PIK3IP1: variants seen among roughly 807,000 people sequenced by gnomAD.
The protein encoded by PIK3IP1 is phosphoinositide-3-kinase-interacting protein 1.
A neutral mutation model predicts 30.7 loss-of-function variants in PIK3IP1; 28 were observed. The ratio of observed to expected loss-of-function variants is 0.91; its 90% CI spans 0.68 to 1.25. The LOEUF (loss-of-function observed/expected upper bound fraction) is 1.25. Ranked by LOEUF, PIK3IP1 falls within the 50% of genes most tolerant of loss-of-function variation. The pLI is 0.00. For synonymous variants in PIK3IP1, 159 were observed against 140.8 expected (o/e 1.13, Z -0.91); for missense variants, 333 against 346.2 (o/e 0.96, Z 0.30).
At chr22:31,283,682 C>T (rs113491936) in intron 5 of PIK3IP1, among the ~76,000 whole-genome samples, 1 of 151,912 alleles carries the variant, frequency 6.6e-6, no homozygotes, top group Non-Finnish European at 1.5e-5. Flanking sequence ...CCTCCCACCC[C>T]CCAAAGTACT....
At chr22:31,289,471 C>T (rs945108357) in intron 4 of PIK3IP1, 28 bp downstream of exon 4, 2 of 1,547,316 alleles carry the variant, frequency 1.3e-6, no homozygotes, top group Admixed American at 4.0e-5. Context: ...TGAATCCCAA[C>T]GAGGGCAGGG....
At chr22:31,289,766 G>C (rs1252635786) in intron 3 of PIK3IP1, 67 bp from the exon 4 acceptor site, 1 of 1,513,428 alleles carries the variant, frequency 6.6e-7, no homozygotes, top group Admixed American at 2.0e-5. Flanking sequence ...GCTGAACCTG[G>C]CCTGAGTGTT....
chr22:31,288,720 G>C (rs1489313621), intron 5 of PIK3IP1, among the ~76,000 whole-genome samples: 2 of 152,234 alleles, frequency 1.3e-5, no homozygotes, highest in African/African-American at 2.4e-5. Context: ...AGTTTCACAA[G>C]TAGCCTCTTT....
intron 5 of PIK3IP1, among the ~76,000 whole-genome samples, chr22:31,287,337 T>G (rs2049139747): frequency 7.1e-6 from 1 of 139,934 alleles, no homozygotes; most frequent in East Asian, 2.1e-4. Flanking sequence ...ACATTTTTTT[T>G]TTTTTTTTTT....
intron 3 of PIK3IP1, 97 bp downstream of exon 3, chr22:31,290,868 G>C (rs2049170534): frequency 1.4e-6 from 2 of 1,421,260 alleles, no homozygotes; most frequent in Admixed American, 3.1e-5. Context: ...GCGGAGCGGG[G>C]CCGGCCGGCA....
chr22:31,291,030 C>T lies in PIK3IP1; in HGVS notation c.242G>A (p.Trp81Ter). 1 of 1,584,682 alleles carries T rather than the reference C, an allele frequency of 6.3e-7. No individual in the cohort carries two copies. Among genetic ancestry groups the T allele is most frequent in the Non-Finnish European group, 8.6e-7 (1 of 1,164,502 alleles). ...GCCGGCCTCGCCACTGACGTAGCAC[C>T]AGGGCCCGCGCGGGTCCTCGTCCGG... The part of the protein sequence containing the change: ...RNPDEDPRGP[W>*]CYVSGEAGVP... Residue 81 changes from tryptophan to a stop codon, truncating the protein, a stop_gained, in exon 3 of 6, where the codon TGG becomes TAG. Transcript: ENST00000215912. LOFTEE classifies it high-confidence loss of function.
intron 5 of PIK3IP1, among the ~76,000 whole-genome samples, chr22:31,286,864 C>G (rs1278186513): frequency 1.3e-5 from 2 of 152,188 alleles, no homozygotes; most frequent in Non-Finnish European, 2.9e-5. Context: ...AATGAACAAG[C>G]AGGTGTCCCT....
rs1164763989 is a variant in PIK3IP1 at position 31,282,493 on chromosome 22, A to G, written c.*591T>C. On this transcript the variant is annotated 3_prime_UTR_variant, in exon 6 of 6. Coordinates refer to ENST00000215912, the MANE Select transcript of PIK3IP1 (RefSeq NM_052880.5). The stretch of plus-strand genomic sequence containing the variant: ...AGGCCTGGCCCACGGTTGTCAAGGC[A>G]CATCATTGCCAGCAAGCTGAAGCAT... The G allele has an allele frequency of 6.6e-6, 1 of 152,334 alleles. No homozygotes were observed. The highest frequency in any genetic ancestry group is 2.4e-5 in the African/African-American group (1 of 41,294). 9.4% of individuals were successfully genotyped at this position (152,334 alleles called of 1,614,324 possible).
rs1166259064 is a variant in PIK3IP1, at chr22:31,291,259, G to C, written c.108C>G (p.Asp36Glu). The change falls in exon 2 of 6, where the codon GAC (aspartate) becomes GAG (glutamate). Residue 36 changes from aspartate to glutamate, a missense_variant. This residue lies in a region of PIK3IP1 where 111 missense variants were observed against 100.1 expected (regional missense o/e 1.11). Transcript: ENST00000215912. Reference sequence around the variant, plus strand: ...GGAGGCCCGGCGCGGGGGAGGTCTGGTCCTCCCGGTACAGGTGGCCGTTGT... The same window carrying C: ...GGAGGCCCGGCGCGGGGGAGGTCTGCTCCTCCCGGTACAGGTGGCCGTTGT... ...FWDNGHLYREDQTSPAPGLRC... is the reference protein window; with the variant it reads ...FWDNGHLYREEQTSPAPGLRC... 1.3e-6 allele frequency: 2 copies of C among 1,554,564 alleles called. No individual in the cohort carries two copies. Among genetic ancestry groups the C allele is most frequent in the South Asian group, 2.4e-5 (2 of 84,334 alleles).
At chr22:31,291,780 C>A (rs532187821) in intron 1 of PIK3IP1, among the ~76,000 whole-genome samples, 2 of 124,950 alleles carry the variant, frequency 1.6e-5, no homozygotes, top group African/African-American at 6.9e-5. Flanking sequence ...TTCACGGATA[C>A]GGCCACCTTC....
rs894393195 is a variant in PIK3IP1, at chr22:31,282,199, C to G, written c.*885G>C. ...AGCAAGCCCTGAAGTGCTTTATTAC[C>G]TTGCCTCTGAGCTTAGTTTCCAGGT... On this transcript the variant is annotated 3_prime_UTR_variant, in exon 6 of 6. Transcript: ENST00000215912. 6.6e-6 allele frequency: 1 copy of G among 152,250 alleles called. No homozygotes were observed. The highest frequency in any genetic ancestry group is 1.9e-4 in the East Asian group (1 of 5,198). The allele number at this position is 152,250 out of a possible 1,614,324, so 9.4% of individuals were successfully genotyped here.
chr22:31,287,477 C>T (rs1339143898), intron 5 of PIK3IP1, among the ~76,000 whole-genome samples: 1 of 151,582 alleles, frequency 6.6e-6, no homozygotes, highest in Non-Finnish European at 1.5e-5. Context: ...ATTACAAGTG[C>T]CCGCCACCAC....
At chr22:31,287,743 AT>A (rs2049142988) in intron 5 of PIK3IP1, among the ~76,000 whole-genome samples, 1 of 152,148 alleles carries the variant, frequency 6.6e-6, no homozygotes, top group Admixed American at 6.5e-5. Flanking sequence ...GGAGTAGGAA[AT>A]TGAAGCAATT....
In PIK3IP1 at chr22:31,289,690, G is replaced by T; in HGVS notation, c.317C>A (p.Ser106Tyr). 1 of 1,552,336 alleles carries T rather than the reference G, an allele frequency of 6.4e-7. No homozygotes were observed. Among genetic ancestry groups the T allele is most frequent in the East Asian group, 2.4e-5 (1 of 41,090 alleles). The change falls in exon 4 of 6, where the codon TCC (serine) becomes TAC (tyrosine). Residue 106 changes from serine (S) to tyrosine (Y), a missense_variant. By Grantham distance (144) the Ser-to-Tyr change is moderately radical. Around this residue, in one of 3 missense-constraint regions of PIK3IP1, gnomAD observed 217 missense variants for 227.7 expected, o/e 0.95. Transcript: ENST00000215912. ...TGTCGTGAAGGCTGGCAGGGCCTGG[G>T]AGGTGGTCTCTGGAGATGAGGTGGG... The part of the protein sequence containing the change: ...CEDLRCPETT[S>Y]QALPAFTTEI...
At chr22:31,288,958 C>A in intron 5 of PIK3IP1, 1 of 453,118 alleles carries the variant, frequency 2.2e-6, no homozygotes, top group Non-Finnish European at 3.9e-6. Flanking sequence ...CAGTGCCACT[C>A]ACTTCAATGC....
At chr22:31,288,886 T>C (rs970661971) in intron 5 of PIK3IP1, among the ~76,000 whole-genome samples, 10 of 152,230 alleles carry the variant, frequency 6.6e-5, no homozygotes, top group Non-Finnish European at 1.3e-4. Flanking sequence ...AGCAGAATTT[T>C]ATAACTCACA....
Position 31,290,994 on chromosome 22 carries a change from T to A in PIK3IP1, c.278A>T (p.Lys93Ile). 6.2e-7 allele frequency: 1 copy of A among 1,604,740 alleles called. No homozygotes were observed. The highest frequency in any genetic ancestry group is 8.5e-7 in the Non-Finnish European group (1 of 1,176,346). ...ACAGCGCAGGTCCTCGCAAGGCCGT[T>A]TCTCAGGGACGCCGGCCTCGCCACT... ...YVSGEAGVPE[K>I]RPCEDLRCPE... is the part of the protein sequence containing the mutation. The change falls in exon 3 of 6, where the codon AAA (lysine) becomes ATA (isoleucine). Residue 93 changes from lysine to isoleucine, a missense_variant. This residue lies in a region of PIK3IP1 where 217 missense variants were observed against 227.7 expected (regional missense o/e 0.95). Coordinates refer to ENST00000215912, the MANE Select transcript of PIK3IP1 (RefSeq NM_052880.5).
intron 5 of PIK3IP1, among the ~76,000 whole-genome samples, chr22:31,285,537 C>T (rs2049124656): frequency 6.6e-6 from 1 of 152,170 alleles, no homozygotes; most frequent in African/African-American, 2.4e-5. Flanking sequence ...ATCACCATAT[C>T]TAACCCCCTT....
At chr22:31,290,747 AGTT>A (rs1157282620) in intron 3 of PIK3IP1, 2 of 601,904 alleles carry the variant, frequency 3.3e-6, no homozygotes. Flanking sequence ...CGCCCCGCGC[AGTT>A]GTTTACAAGC....
Sources: gnomAD v4.1 joint callset for allele counts (sites outside exome capture counted in the v4.1 genomes callset) on GRCh38, gnomAD v4.1.1 for gene constraint, gnomAD v4.1.1 regional missense constraint, MANE v1.5 for transcripts, NCBI Gene and HGNC (gene_info 2026-07-23, HGNC 2026-07-21) for gene names.